Variants in CSGALNACT1 observed in about 807,000 individuals in gnomAD.
The protein encoded by CSGALNACT1 is beta4GalNAcT-1.
In CSGALNACT1, 52 loss-of-function variants were observed where a neutral mutation model predicts 51.0. That is an observed-to-expected ratio of 1.02 (90% CI 0.82 to 1.29). The LOEUF (loss-of-function observed/expected upper bound fraction) is 1.29, where lower values mean the gene tolerates loss of function less well. Ranked by LOEUF, CSGALNACT1 falls within the 50% of genes most tolerant of loss-of-function variation. CSGALNACT1 has a pLI of 0.00. For synonymous variants in CSGALNACT1, 341 were observed against 254.4 expected (o/e 1.34, Z -3.24); for missense variants, 935 against 679.2 (o/e 1.38, Z -4.19).
chr8:19,739,857 ACTC>A (rs1397612495), intron 1 of CSGALNACT1, among the ~76,000 whole-genome samples: 2 of 152,128 alleles, frequency 1.3e-5, no homozygotes, highest in African/African-American at 4.8e-5. Flanking sequence ...AAAGAAGTAA[ACTC>A]CTATTTTGTG....
intron 1 of CSGALNACT1, among the ~76,000 whole-genome samples, chr8:19,687,935 C>T (rs553593475): frequency 2.6e-4 from 39 of 152,210 alleles, no homozygotes; most frequent in African/African-American, 8.7e-4. Context: ...AACACATAAA[C>T]AGCCACTGAC....
intron 1 of CSGALNACT1, among the ~76,000 whole-genome samples, chr8:19,737,505 T>A (rs2064055054): frequency 6.6e-6 from 1 of 152,124 alleles, no homozygotes; most frequent in Non-Finnish European, 1.5e-5. Flanking sequence ...TAGACTTTGT[T>A]AAGTTACACA....
chr8:19,630,645 C>A (rs533068541), intron 1 of CSGALNACT1, among the ~76,000 whole-genome samples: 2 of 152,176 alleles, frequency 1.3e-5, no homozygotes, highest in South Asian at 2.1e-4. Context: ...ATCCCTCCCC[C>A]ACAAAACCAC....
intron 1 of CSGALNACT1, among the ~76,000 whole-genome samples, chr8:19,746,720 G>A (rs141160305): frequency 1.3e-5 from 2 of 152,294 alleles, no homozygotes; most frequent in African/African-American, 4.8e-5. Flanking sequence ...ATTATTAAAT[G>A]AAGCCTACAA....
intron 1 of CSGALNACT1, among the ~76,000 whole-genome samples, chr8:19,638,079 C>G (rs1271118229): frequency 6.8e-6 from 1 of 147,800 alleles, no homozygotes; most frequent in African/African-American, 2.5e-5. Context: ...GACAACCAAC[C>G]TAAACTGTTA....
intron 3 of CSGALNACT1, among the ~76,000 whole-genome samples, chr8:19,584,411 G>A (rs1243744180): frequency 2.0e-5 from 3 of 152,070 alleles, no homozygotes; most frequent in East Asian, 1.9e-4. Flanking sequence ...TTTTGACACA[G>A]TAAGACTTAG....
chr8:19,421,023 C>A (rs533965674), intron 6 of CSGALNACT1, among the ~76,000 whole-genome samples: 2 of 152,306 alleles, frequency 1.3e-5, no homozygotes, highest in African/African-American at 4.8e-5. Context: ...AGATTCCTTC[C>A]GCATCCTCGG....
rs76699230 is a variant in CSGALNACT1 at position 19,586,406 on chromosome 8, A to G, written c.-297+4754T>C. The stretch of plus-strand genomic sequence containing the variant: ...GTGGAGACACGCACCGTAGTCTTAT[A>G]GAAAAAAAAAAAAAAAAGAAGAAGA... On this transcript the variant is annotated intron_variant, in intron 3 of 9. Transcript: ENST00000454498. Among the ~76,000 whole-genome samples, 517 of 84,328 alleles carry G rather than the reference A, an allele frequency of 6.1e-3. 2 individuals are homozygous for G. Among genetic ancestry groups the G allele is most frequent in the African/African-American group, 0.019 (320 of 16,780 alleles). 55.3% of individuals were successfully genotyped at this position (84,328 alleles called of 152,430 possible). A position where few individuals can be genotyped will look rare whatever the true frequency, so the allele number is the denominator to read the frequency against.
chr8:19,566,413 T>G (rs567285570), intron 3 of CSGALNACT1, among the ~76,000 whole-genome samples: 54 of 152,142 alleles, frequency 3.5e-4, no homozygotes, highest in Non-Finnish European at 6.5e-4. Flanking sequence ...AGAAAATAAA[T>G]TTTTTTGTTA....
intron 5 of CSGALNACT1, among the ~76,000 whole-genome samples, chr8:19,448,320 G>C (rs2062497781): frequency 6.6e-6 from 1 of 152,174 alleles, no homozygotes; most frequent in Non-Finnish European, 1.5e-5. Flanking sequence ...TGTAGGAAGA[G>C]TTACAAAGGA....
chr8:19,583,225 G>C (rs575417728), intron 3 of CSGALNACT1, among the ~76,000 whole-genome samples: 20 of 152,136 alleles, frequency 1.3e-4, no homozygotes, highest in South Asian at 1.2e-3. Flanking sequence ...ACAAAAAGTA[G>C]AGTTCCAAGC....
At chr8:19,573,703 C>T (rs1203851348) in intron 3 of CSGALNACT1, among the ~76,000 whole-genome samples, 1 of 152,148 alleles carries the variant, frequency 6.6e-6, no homozygotes, top group African/African-American at 2.4e-5. Flanking sequence ...CTCGGCCTCC[C>T]ATACCAATCT....
intron 4 of CSGALNACT1, among the ~76,000 whole-genome samples, chr8:19,502,114 C>G (rs566677191): frequency 6.6e-6 from 1 of 152,298 alleles, no homozygotes; most frequent in Non-Finnish European, 1.5e-5. Flanking sequence ...ACAGACAGAC[C>G]AGACCTTATA....
chr8:19,409,508 G>C (rs879328585), intron 8 of CSGALNACT1, among the ~76,000 whole-genome samples: 1 of 151,484 alleles, frequency 6.6e-6, no homozygotes, highest in Admixed American at 6.6e-5. Flanking sequence ...TATAGAGAGA[G>C]AGAGAGAGAG....
intron 5 of CSGALNACT1, among the ~76,000 whole-genome samples, chr8:19,447,884 C>A (rs893656810): frequency 6.6e-6 from 1 of 152,166 alleles, no homozygotes; most frequent in Non-Finnish European, 1.5e-5. Flanking sequence ...TTACAGCAAA[C>A]AAAACTATGA....
chr8:19,675,854 C>T (rs771511112), intron 1 of CSGALNACT1, among the ~76,000 whole-genome samples: 1 of 151,960 alleles, frequency 6.6e-6, no homozygotes, highest in Non-Finnish European at 1.5e-5. Flanking sequence ...AAGTCACATG[C>T]GGGCAGGACA....
intron 1 of CSGALNACT1, among the ~76,000 whole-genome samples, chr8:19,656,473 G>C (rs939671811): frequency 1.3e-5 from 2 of 151,688 alleles, no homozygotes; most frequent in South Asian, 4.2e-4. Flanking sequence ...ACCCACCTTC[G>C]ATCTTGACCT....
rs113227616 is a variant in CSGALNACT1, at chr8:19,514,958, T to C, written c.-296-8828A>G. On this transcript the variant is annotated intron_variant, in intron 3 of 9. Coordinates refer to ENST00000454498, the Ensembl canonical transcript of CSGALNACT1. ...AATATTGTCTCACCCTGATGGACCA[T>C]CCTGGAGCCCACAGATACCTAGCTC... is the stretch of plus-strand genomic sequence containing the variant. 7.0e-4 allele frequency among the ~76,000 whole-genome samples: 107 copies of C among 152,316 alleles called. No homozygotes were observed. In the Middle Eastern group the frequency reaches 0.017, roughly 24 times the overall value.
At chr8:19,682,539 G>C in exon 1 of CSGALNACT1, 1 of 428,970 alleles carries the variant, frequency 2.3e-6, no homozygotes, top group Non-Finnish European at 4.7e-6. Context: ...GTCTTTCCCG[G>C]TCTTTGCTGT....
Sources: gnomAD v4.1 joint callset for allele counts (sites outside exome capture counted in the v4.1 genomes callset) on GRCh38, gnomAD v4.1.1 for gene constraint, MANE v1.5 for transcripts, NCBI Gene and HGNC (gene_info 2026-07-23, HGNC 2026-07-21) for gene names.